The following FUT8 variants were observed in gnomAD, a reference collection of about 807,000 sequenced individuals.
The protein encoded by FUT8 is fucosyltransferase 8.
A neutral mutation model predicts 71.3 loss-of-function variants in FUT8; 29 were observed. The ratio of observed to expected loss-of-function variants is 0.41; its 90% CI spans 0.30 to 0.55. The LOEUF (loss-of-function observed/expected upper bound fraction) is 0.55, where lower values mean the gene tolerates loss of function less well. Among genes scored for constraint, FUT8 ranks in the 20% least tolerant of loss-of-function variants. FUT8 has a pLI of 0.34. For synonymous variants in FUT8, 254 were observed against 239.3 expected, an observed-to-expected ratio of 1.06 and a Z score of -0.57; for missense variants, 544 against 702.1, an observed-to-expected ratio of 0.77 and a Z score of 2.55.
At chr14:65,666,094 A>C (rs77065162) in intron 6 of FUT8, among the ~76,000 whole-genome samples, 3,846 of 152,228 alleles carry the variant, frequency 0.025, 68 homozygotes, top group Non-Finnish European at 0.041. Flanking sequence ...TAAAAAAAAA[A>C]CAAAATGCAA....
At chr14:65,706,130 C>G (rs961336512) in intron 7 of FUT8, among the ~76,000 whole-genome samples, 9 of 152,134 alleles carry the variant, frequency 5.9e-5, no homozygotes, top group African/African-American at 2.2e-4. Flanking sequence ...GAGTAAGATA[C>G]TATTATCAGT....
At chr14:65,387,899 G>A in the FUT8 span, among the ~76,000 whole-genome samples, 22 of 152,248 alleles carry the variant, frequency 1.4e-4, no homozygotes, top group Non-Finnish European at 2.2e-4. Flanking sequence ...CGCACTTTTG[G>A]TTTTTAAATA....
Position 65,681,989 on chromosome 14 carries a change from T to G in FUT8, c.835+12509T>G, listed in dbSNP as rs1183748633. ...CCTGCCATATTTTCAACAGGTTGTT[T>G]TAAAAAAAAGATGTGACAGAGACAT... On this transcript the variant is annotated intron_variant, in intron 7 of 10. Transcript: ENST00000673929. Among the ~76,000 whole-genome samples, 3 of 152,230 alleles carry G rather than the reference T, an allele frequency of 2.0e-5. No homozygotes were observed. The East Asian group carries it at 5.8e-4, about 29-fold the overall frequency.
At chr14:65,534,473 G>C (rs993888149) in intron 2 of FUT8, among the ~76,000 whole-genome samples, 6 of 151,056 alleles carry the variant, frequency 4.0e-5, no homozygotes, top group Non-Finnish European at 8.8e-5. Context: ...AATAGTTTTA[G>C]TAGGTATGGT....
intron 2 of FUT8, among the ~76,000 whole-genome samples, chr14:65,505,411 C>T (rs1421328832): frequency 1.4e-5 from 2 of 145,280 alleles, no homozygotes; most frequent in Non-Finnish European, 3.0e-5. Flanking sequence ...CTCCCAGGTT[C>T]ACGCCATTCT....
At chr14:65,396,633 G>A in the FUT8 span, among the ~76,000 whole-genome samples, 1 of 152,164 alleles carries the variant, frequency 6.6e-6, no homozygotes, top group Non-Finnish European at 1.5e-5. The surrounding 1 kb of genome is among the most constrained non-coding windows in gnomAD (Gnocchi z 5.5). Flanking sequence ...TGAGATTTGG[G>A]TTGGGACACA....
chr14:65,556,640 CAAGAG>C (rs1402027746), intron 2 of FUT8, among the ~76,000 whole-genome samples: 3 of 152,096 alleles, frequency 2.0e-5, no homozygotes, highest in Non-Finnish European at 2.9e-5. Flanking sequence ...AGCCAACACT[CAAGAG>C]GAGGAGATGA....
chr14:65,735,937 G>A (rs1896193695), intron 10 of FUT8, among the ~76,000 whole-genome samples: 1 of 152,130 alleles, frequency 6.6e-6, no homozygotes, highest in Non-Finnish European at 1.5e-5. Flanking sequence ...AAATGCCCTA[G>A]AAATATCTTG....
At chr14:65,531,939 A>G (rs555817676) in intron 2 of FUT8, among the ~76,000 whole-genome samples, 2 of 152,296 alleles carry the variant, frequency 1.3e-5, no homozygotes, top group South Asian at 2.1e-4. Flanking sequence ...TGTTACTGCA[A>G]AGTACATGAT....
At chr14:65,469,860 ATT>A (rs1389424613) in intron 2 of FUT8, among the ~76,000 whole-genome samples, 8 of 152,142 alleles carry the variant, frequency 5.3e-5, no homozygotes, top group Admixed American at 5.2e-4. Flanking sequence ...AAGTGTGTCA[ATT>A]GGTACATCGG....
At chr14:65,700,097 T>C (rs1469795360) in intron 7 of FUT8, among the ~76,000 whole-genome samples, 3 of 152,166 alleles carry the variant, frequency 2.0e-5, no homozygotes, top group Non-Finnish European at 2.9e-5. Context: ...AATCTGATTA[T>C]GTTGTATATG....
chr14:65,389,376 T>C, the FUT8 span, among the ~76,000 whole-genome samples: 2 of 109,208 alleles, frequency 1.8e-5, no homozygotes, highest in African/African-American at 2.7e-5. Flanking sequence ...CACCCTGATA[T>C]TTTTTTTTTT....
At chr14:65,367,734 T>G in the FUT8 span, among the ~76,000 whole-genome samples, 1 of 152,174 alleles carries the variant, frequency 6.6e-6, no homozygotes, top group Non-Finnish European at 1.5e-5. Context: ...AGAACACTTC[T>G]GAAATTCTCT....
At chr14:65,439,954 G>GTGTGTGTGTGTATATATATATATATA in intron 1 of FUT8, among the ~76,000 whole-genome samples, 1 of 74,972 alleles carries the variant, frequency 1.3e-5, no homozygotes, top group Admixed American at 1.6e-4. Context: ...GTGTGTGTGT[G>GTGTGTGTGTGTATATATATATATATA]TATATATATA....
chr14:65,586,013 C>G (rs1262968738), intron 3 of FUT8, among the ~76,000 whole-genome samples: 1 of 151,840 alleles, frequency 6.6e-6, no homozygotes, highest in Non-Finnish European at 1.5e-5. Flanking sequence ...ATATGGATAA[C>G]CAGTAAAGAT....
At chr14:65,731,564 T>C (rs1316002149) in intron 9 of FUT8, among the ~76,000 whole-genome samples, 3 of 152,182 alleles carry the variant, frequency 2.0e-5, no homozygotes, top group African/African-American at 7.2e-5. Flanking sequence ...TTTGTGTGTG[T>C]TTTGTTTTGT....
intron 2 of FUT8, among the ~76,000 whole-genome samples, chr14:65,545,589 T>C (rs1884943059): frequency 6.6e-6 from 1 of 151,890 alleles, no homozygotes. Flanking sequence ...TATTCTATTA[T>C]GTTGAATTAC....
At chr14:65,562,213 C>A (rs534610521) in intron 3 of FUT8, among the ~76,000 whole-genome samples, 1 of 151,978 alleles carries the variant, frequency 6.6e-6, no homozygotes, top group African/African-American at 2.4e-5. Flanking sequence ...TATATACTTA[C>A]ATTTCATTTA....
chr14:65,474,508 C>T (rs60852857), intron 2 of FUT8, among the ~76,000 whole-genome samples: 8,849 of 145,740 alleles, frequency 0.061, 535 homozygotes, highest in East Asian at 0.35. Context: ...TGGGGCTGGG[C>T]GAATCGCTTG....
Sources: allele counts gnomAD v4.1 joint callset (sites outside exome capture counted in the v4.1 genomes callset), GRCh38; gene constraint gnomAD v4.1.1; non-coding constraint Gnocchi (gnomAD v3.1); transcripts MANE v1.5; gene names NCBI Gene and HGNC (gene_info 2026-07-23, HGNC 2026-07-21).